The following PLEKHG2 variants were observed in gnomAD, a reference collection of about 807,000 sequenced individuals.
PLEKHG2 encodes the protein pleckstrin homology domain-containing family G member 2.
In PLEKHG2, 71 loss-of-function variants were observed where a neutral mutation model predicts 104.4. That is an observed-to-expected ratio of 0.68 (90% CI 0.56 to 0.83). PLEKHG2 has a LOEUF of 0.83. Among genes scored for constraint, PLEKHG2 ranks in the 40% least tolerant of loss-of-function variants. The pLI, the probability that PLEKHG2 is intolerant of heterozygous loss-of-function variation, is 0.00. For synonymous variants in PLEKHG2, 728 were observed against 737.0 expected (o/e 0.99, Z 0.20); for missense variants, 1,730 against 1,809.4 (o/e 0.96, Z 0.80).
chr19:39,417,528 C>T (rs781402554), intron 7 of PLEKHG2, 27 bp from the exon 8 acceptor site: 1 of 1,610,286 alleles, frequency 6.2e-7, no homozygotes, highest in Non-Finnish European at 8.5e-7. Context: ...TCTCCCCATC[C>T]CTGCGTGCCT....
Position 39,427,248 on chromosome 19 carries a change from C to T in PLEKHG2, c.*1954C>T, listed in dbSNP as rs1003383188. ...TTTACCATGTTAGCCAGGATGGTCT[C>T]GATCTCCTGACCTCGTGATCCTCCC... On this transcript the variant is annotated 3_prime_UTR_variant, in exon 19 of 19. Transcript: ENST00000425673. 5.9e-5 allele frequency: 9 copies of T among 151,830 alleles called. No homozygotes were observed. The highest frequency in any genetic ancestry group is 1.5e-4 in the African/African-American group (6 of 41,314). 9.4% of individuals were successfully genotyped at this position (151,830 alleles called of 1,614,324 possible).
At position 39,423,804 on chromosome 19, in the gene PLEKHG2, G is replaced by C. The variant is rs200239416; in HGVS notation, c.2671G>C (p.Val891Leu). The change falls in exon 19 of 19, where the codon GTC becomes CTC. Residue 891 changes from valine (V) to leucine (L), a missense_variant. By Grantham distance (32) the Val-to-Leu change is conservative (BLOSUM62 1). Transcript: ENST00000425673. Reference sequence around the variant, plus strand: ...CCCACTGACATGTGCCCAGGAGTCTGTCCCCCTGGGTCCTGCTGTCTGGGT... The same window carrying C: ...CCCACTGACATGTGCCCAGGAGTCTCTCCCCCTGGGTCCTGCTGTCTGGGT... ...AFPLTCAQESVPLGPAVWVQA... is the reference protein window; with the variant it reads ...AFPLTCAQESLPLGPAVWVQA... The C allele has an allele frequency of 1.9e-6, 3 of 1,614,166 alleles. No homozygotes were observed. Among genetic ancestry groups the C allele is most frequent in the African/African-American group, 2.7e-5 (2 of 75,042 alleles).
rs778373629 is a variant in PLEKHG2, at chr19:39,420,651, G to C, written c.1289G>C (p.Ser430Thr). 6.2e-6 allele frequency: 10 copies of C among 1,614,028 alleles called. No individual in the cohort carries two copies. Among genetic ancestry groups the C allele is most frequent in the African/African-American group, 1.3e-5 (1 of 74,892 alleles). ...AKAKQVLLEN[S>T]LHCAPKSKPV... ...GCAAAGCAAGTTCTCCTTGAAAACA[G>C]CCTGCATTGTGAGTTGGGGCCTTGG... is the stretch of plus-strand genomic sequence containing the variant. The change falls in exon 12 of 19, where the codon AGC (serine) becomes ACC (threonine). Residue 430 changes from serine to threonine, a missense_variant. Coordinates refer to ENST00000425673, the MANE Select transcript of PLEKHG2 (RefSeq NM_022835.3).
chr19:39,416,360 G>T lies in PLEKHG2; in HGVS notation c.492G>T (p.Glu164Asp). 1 of 1,613,050 alleles carries T rather than the reference G, an allele frequency of 6.2e-7. No individual in the cohort carries two copies. Among genetic ancestry groups the T allele is most frequent in the Non-Finnish European group, 8.5e-7 (1 of 1,179,800 alleles). The change falls in exon 5 of 19, where the codon GAG becomes GAT. Residue 164 changes from glutamate (E) to aspartate (D), a missense_variant. Physicochemically the swap from Glu to Asp is conservative, Grantham distance 45. Coordinates refer to ENST00000425673, the MANE Select transcript of PLEKHG2 (RefSeq NM_022835.3). This position sits in a 1 kb window ranked among gnomAD's most constrained non-coding sequence, Gnocchi z 4.5. ...DIYEFSSELL[E>D]DLENSSSAGG... ...CTCTCCCCTGTAGCGAGCTCCTGGA[G>T]GACTTGGAGAACAGCAGCAGCGCCG...
At chr19:39,417,377 T>C (rs1297240978) in intron 7 of PLEKHG2, among the ~76,000 whole-genome samples, 178 bp from the exon 8 acceptor site, 2 of 151,204 alleles carry the variant, frequency 1.3e-5, no homozygotes, top group Non-Finnish European at 2.9e-5. Flanking sequence ...AGTCTCGAAC[T>C]CCTGGCCTCA....
chr19:39,425,112 C>A lies in PLEKHG2; in HGVS notation c.3979C>A (p.Pro1327Thr), dbSNP rs769744191. 6.3e-7 allele frequency: 1 copy of A among 1,587,226 alleles called. No homozygotes were observed. The highest frequency in any genetic ancestry group is 1.1e-5 in the South Asian group (1 of 87,808). ...GCCGCCCCCCCAGCCCCAGCCACCA[C>A]CTCCCCCAGCCAGGCGGCTCAGCTA... is the stretch of plus-strand genomic sequence containing the variant. ...SSPPPQPQPP[P>T]PPARRLSYAT... The change falls in exon 19 of 19, where the codon CCT (proline) becomes ACT (threonine). Residue 1327 changes from proline (P) to threonine (T), a missense_variant. Transcript: ENST00000425673.
chr19:39,422,544 A>AT lies in PLEKHG2; in HGVS notation c.1678-172dup, dbSNP rs372412945. Among the ~76,000 whole-genome samples the AT allele has an allele frequency of 8.0e-3, 1,120 of 140,608 alleles. 6 individuals are homozygous for AT. Among genetic ancestry groups the AT allele is most frequent in the East Asian group, 0.014 (68 of 4,894 alleles). 92.2% of individuals were successfully genotyped at this position (140,608 alleles called of 152,430 possible). A position where few individuals can be genotyped will look rare whatever the true frequency, so the allele number is the denominator to read the frequency against. ...AGGCACCCGCCAACACACCCGGCTA[A>AT]TTTTTTTTTTTTTTTTGTATTTTTA... is the stretch of plus-strand genomic sequence containing the variant. On this transcript the variant is annotated intron_variant, in intron 17 of 18. Coordinates refer to ENST00000425673, the MANE Select transcript of PLEKHG2 (RefSeq NM_022835.3).
At position 39,418,720 on chromosome 19, in the gene PLEKHG2, C is replaced by G; in HGVS notation, c.1084-14C>G. 6.2e-7 allele frequency: 1 copy of G among 1,607,320 alleles called. No homozygotes were observed. The highest frequency in any genetic ancestry group is 8.5e-7 in the Non-Finnish European group (1 of 1,174,918). Reference sequence around the variant, plus strand: ...CAAGGACTCTGAGCTTGCTACCCCTCTCTTTCCTTCCAGTGCTGCAACCTG... The same window carrying G: ...CAAGGACTCTGAGCTTGCTACCCCTGTCTTTCCTTCCAGTGCTGCAACCTG... On this transcript the variant is annotated splice_polypyrimidine_tract_variant and intron_variant, in intron 9 of 18. Coordinates refer to ENST00000425673, the MANE Select transcript of PLEKHG2 (RefSeq NM_022835.3).
Position 39,415,121 on chromosome 19 carries a change from T to C in PLEKHG2, c.239T>C (p.Leu80Pro). Residue 80 changes from leucine to proline, a missense_variant, in exon 3 of 19, where the codon CTT becomes CCT. By Grantham distance (98) the Leu-to-Pro change is moderately conservative (BLOSUM62 -3). Transcript: ENST00000425673. The surrounding 1 kb of genome is among the most constrained non-coding windows in gnomAD (Gnocchi z 4.6). Reference sequence around the variant, plus strand: ...TGCTCAGCCTCCAGGCCAGAGCCCCTTCCAGGGCCTCCCATCCGCCTACAT... The same window carrying C: ...TGCTCAGCCTCCAGGCCAGAGCCCCCTCCAGGGCCTCCCATCCGCCTACAT... ...PACSASRPEP[L>P]PGPPIRLHLS... 1.3e-6 allele frequency: 2 copies of C among 1,598,524 alleles called. No individual in the cohort carries two copies. Among genetic ancestry groups the C allele is most frequent in the Non-Finnish European group, 1.7e-6 (2 of 1,172,444 alleles).
chr19:39,422,796 T>A lies in PLEKHG2; in HGVS notation c.1742T>A (p.Leu581His). The A allele has an allele frequency of 1.3e-6, 2 of 1,529,240 alleles. No homozygotes were observed. The highest frequency in any genetic ancestry group is 1.8e-6 in the Non-Finnish European group (2 of 1,140,842). The allele number at this position is 1,529,240 out of a possible 1,614,324, so 94.7% of individuals were successfully genotyped here. A position where few individuals can be genotyped will look rare whatever the true frequency, so the allele number is the denominator to read the frequency against. The change falls in exon 18 of 19, where the codon CTC (leucine) becomes CAC (histidine). Residue 581 changes from leucine to histidine, a missense_variant. Leu to His is a moderately conservative substitution (Grantham distance 99). Coordinates refer to ENST00000425673, the MANE Select transcript of PLEKHG2 (RefSeq NM_022835.3). ...DSQVPGDSET[L>H]TFQALPSRDS... ...CAGGTGCCTGGCGACAGCGAAACCC[T>A]CACATTCCAAGCCCTGCCCAGCCGG...
chr19:39,423,912 C>A lies in PLEKHG2; in HGVS notation c.2779C>A (p.Leu927Ile). 6.2e-7 allele frequency: 1 copy of A among 1,614,210 alleles called. No individual in the cohort carries two copies. Among genetic ancestry groups the A allele is most frequent in the South Asian group, 1.1e-5 (1 of 91,090 alleles). ...LHVSNLPKQD[L>I]PGIHVSAATL... The stretch of plus-strand genomic sequence containing the variant: ...TGTTTCCAATTTGCCTAAGCAAGAC[C>A]TTCCGGGCATCCACGTTTCAGCTGC... Residue 927 changes from leucine (L) to isoleucine (I), a missense_variant, in exon 19 of 19, where the codon CTT becomes ATT. Coordinates refer to ENST00000425673, the MANE Select transcript of PLEKHG2 (RefSeq NM_022835.3).
rs774410563 is a variant in PLEKHG2 at position 39,423,754 on chromosome 19, A to C, written c.2621A>C (p.His874Pro). The C allele has an allele frequency of 1.2e-6, 2 of 1,611,876 alleles. No individual in the cohort carries two copies. The highest frequency in any genetic ancestry group is 1.7e-6 in the Non-Finnish European group (2 of 1,178,570). ...TCAGGGCTCCTGCCTGCCTTTGGAC[A>C]CGTGCTGGTATGTGAGCTGGCCTTC... ...AEPGLLPAFG[H>P]VLVCELAFPL... is the part of the protein sequence containing the mutation. Residue 874 changes from histidine to proline, a missense_variant, in exon 19 of 19, where the codon CAC becomes CCC. His to Pro is a moderately conservative substitution (Grantham distance 77). Transcript: ENST00000425673.
At chr19:39,421,532 A>C in intron 16 of PLEKHG2, 1 of 551,474 alleles carries the variant, frequency 1.8e-6, no homozygotes, top group Non-Finnish European at 3.3e-6. Context: ...CAAAAAGTAC[A>C]AAAAAATTAG....
rs1050829215 is a variant in PLEKHG2, at chr19:39,428,226, A to G, written c.*2932A>G. The G allele has an allele frequency of 3.3e-5, 5 of 152,316 alleles. No individual in the cohort carries two copies. The highest frequency in any genetic ancestry group is 2.6e-4 in the Admixed American group (4 of 15,290). 9.4% of individuals were successfully genotyped at this position (152,316 alleles called of 1,614,324 possible). On this transcript the variant is annotated 3_prime_UTR_variant, in exon 19 of 19. Coordinates refer to ENST00000425673, the MANE Select transcript of PLEKHG2 (RefSeq NM_022835.3). ...GTCTCAAAAAAATAAAATGAAATAC[A>G]TAAATAAATGTGCCTATCCTGTGCC...
Position 39,426,390 on chromosome 19 carries a change from G to A in PLEKHG2, c.*1096G>A, listed in dbSNP as rs544427400. The stretch of plus-strand genomic sequence containing the variant: ...TCCCTCCCCCAGCAAAATAATTCAG[G>A]TCGTGGAGACAAAAGGCTTTTATGT... On this transcript the variant is annotated 3_prime_UTR_variant, in exon 19 of 19. Transcript: ENST00000425673. 6.6e-6 allele frequency: 1 copy of A among 152,360 alleles called. No homozygotes were observed. Among genetic ancestry groups the A allele is most frequent in the Admixed American group, 6.5e-5 (1 of 15,282 alleles). The allele number at this position is 152,360 out of a possible 1,614,324, so 9.4% of individuals were successfully genotyped here.
chr19:39,415,049 G>T lies in PLEKHG2; in HGVS notation c.167G>T (p.Ser56Ile). Residue 56 changes from serine (S) to isoleucine (I), a missense_variant, in exon 3 of 19, where the codon AGC becomes ATC. Transcript: ENST00000425673. The surrounding 1 kb of genome is among the most constrained non-coding windows in gnomAD (Gnocchi z 4.6). ...PRGSGSSTSLSTVGSEGDPAP... is the reference protein window; with the variant it reads ...PRGSGSSTSLITVGSEGDPAP... Reference sequence around the variant, plus strand: ...GGTTCTGGGAGCTCCACATCCCTGAGCACAGTGGGCTCTGAGGGGGATCCA... The same window carrying T: ...GGTTCTGGGAGCTCCACATCCCTGATCACAGTGGGCTCTGAGGGGGATCCA... 6.3e-7 allele frequency: 1 copy of T among 1,596,938 alleles called. No homozygotes were observed. The highest frequency in any genetic ancestry group is 8.5e-7 in the Non-Finnish European group (1 of 1,172,230).
intron 11 of PLEKHG2, among the ~76,000 whole-genome samples, chr19:39,419,814 C>T (rs576595470): frequency 1.3e-4 from 19 of 151,242 alleles, no homozygotes; most frequent in South Asian, 8.4e-4. Flanking sequence ...GAGGCAAGAG[C>T]TTGCAGTGAG....
At position 39,427,707 on chromosome 19, in the gene PLEKHG2, A is replaced by G. The variant is rs1057389524; in HGVS notation, c.*2413A>G. The G allele has an allele frequency of 2.0e-5, 3 of 152,260 alleles. No individual in the cohort carries two copies. Among genetic ancestry groups the G allele is most frequent in the African/African-American group, 7.2e-5 (3 of 41,456 alleles). The allele number at this position is 152,260 out of a possible 1,614,324, so 9.4% of individuals were successfully genotyped here. ...TGGGTACTAAGCACATACTATGAGC[A>G]TTACAGCCGCTTTATATAAGCTCGT... On this transcript the variant is annotated 3_prime_UTR_variant, in exon 19 of 19. Transcript: ENST00000425673.
rs774767637 is a variant in PLEKHG2 at position 39,416,557 on chromosome 19, G to T, written c.553G>T (p.Asp185Tyr). 21 of 1,612,068 alleles carry T rather than the reference G, an allele frequency of 1.3e-5. No individual in the cohort carries two copies. Among genetic ancestry groups the T allele is most frequent in the Non-Finnish European group, 1.3e-5 (15 of 1,179,376 alleles). ...ACTCCCATGTCACCCGCAGAGCGAG[G>T]ATTTTGACATCTACACATTGTACTG... ...IAECFVQRSE[D>Y]FDIYTLYCMN... Residue 185 changes from aspartate (D) to tyrosine (Y), a missense_variant, in exon 6 of 19, where the codon GAT becomes TAT. Asp to Tyr is a radical substitution (Grantham distance 160). Coordinates refer to ENST00000425673, the MANE Select transcript of PLEKHG2 (RefSeq NM_022835.3). The surrounding 1 kb of genome is among the most constrained non-coding windows in gnomAD (Gnocchi z 4.5).
Sources: gnomAD v4.1 joint callset for allele counts (sites outside exome capture counted in the v4.1 genomes callset) on GRCh38, gnomAD v4.1.1 for gene constraint, Gnocchi (gnomAD v3.1) non-coding constraint, MANE v1.5 for transcripts, NCBI Gene and HGNC (gene_info 2026-07-23, HGNC 2026-07-21) for gene names.